The following IKBKB-DT variants were observed in gnomAD, a reference collection of about 807,000 sequenced individuals.
The protein encoded by IKBKB-DT is IKBKB divergent transcript.
chr8:42,263,807 C>A (rs889393274), intron 2 of IKBKB-DT, among the ~76,000 whole-genome samples: 1 of 151,898 alleles, frequency 6.6e-6, no homozygotes, highest in South Asian at 2.1e-4. Flanking sequence ...CAAATGGAGA[C>A]GCGTTTTTTT....
At position 42,266,941 on chromosome 8, in the gene IKBKB-DT, CTCTG is replaced by C. The variant is rs565090617; in HGVS notation, n.604-549_604-546del. ...GGCAACCAGTAGCCCTCGGGGGCTGCTCTGTCTAAGGAGTAGCCGTTCTGTTATT... is the reference window on the plus strand; with the variant it reads ...GGCAACCAGTAGCCCTCGGGGGCTGCTCTAAGGAGTAGCCGTTCTGTTATT... On this transcript the variant is annotated intron_variant and non_coding_transcript_variant, in intron 1 of 3. Transcript: ENST00000518213. Among the ~76,000 whole-genome samples the C allele has an allele frequency of 9.2e-5, 14 of 151,876 alleles. No homozygotes were observed. The South Asian group carries it at 1.7e-3, about 18-fold the overall frequency.
chr8:42,259,801 G>T lies in IKBKB-DT; in HGVS notation n.1529+3528C>A, dbSNP rs563435923. Among the ~76,000 whole-genome samples, 4 of 152,136 alleles carry T rather than the reference G, an allele frequency of 2.6e-5. No homozygotes were observed. The East Asian group carries it at 7.8e-4, about 30-fold the overall frequency. On this transcript the variant is annotated intron_variant and non_coding_transcript_variant, in intron 3 of 3. Transcript: ENST00000518213. The stretch of plus-strand genomic sequence containing the variant: ...GCTCAAGACCAGCCTGAACAACATG[G>T]CAAAACCCTGTCTCTTCGAAAATAC...
intron 3 of IKBKB-DT, among the ~76,000 whole-genome samples, chr8:42,235,850 C>G (rs1290018500): frequency 2.6e-5 from 4 of 152,078 alleles, no homozygotes; most frequent in African/African-American, 9.7e-5. Flanking sequence ...CTCAGCCTGG[C>G]CAACATGGTT....
chr8:42,235,440 A>G lies in IKBKB-DT; in HGVS notation n.1530-1581T>C, dbSNP rs191844121. 2.8e-3 allele frequency among the ~76,000 whole-genome samples: 430 copies of G among 152,076 alleles called. 2 individuals are homozygous for G. The highest frequency in any genetic ancestry group is 9.8e-3 in the African/African-American group (407 of 41,512). The stretch of plus-strand genomic sequence containing the variant: ...AGGTGGTCTCAAACTCCTGGCCTCA[A>G]GTGATCTGCCCACCTTGGTCTCCCA... On this transcript the variant is annotated intron_variant and non_coding_transcript_variant, in intron 3 of 3. Transcript: ENST00000518213.
intron 3 of IKBKB-DT, among the ~76,000 whole-genome samples, chr8:42,238,024 CAAAAAAAA>C (rs35087510): frequency 0.16 from 5,463 of 34,708 alleles, 164 homozygotes; most frequent in South Asian, 0.36. Flanking sequence ...GGCCCTCTCT[CAAAAAAAA>C]AAAAAAAAAA....
intron 3 of IKBKB-DT, among the ~76,000 whole-genome samples, chr8:42,262,825 A>G (rs1023364912): frequency 6.8e-6 from 1 of 146,446 alleles, no homozygotes; most frequent in Non-Finnish European, 1.5e-5. Flanking sequence ...TGCATCCTCA[A>G]TTTTCTGGGC....
chr8:42,238,972 C>G (rs571385142), intron 3 of IKBKB-DT, among the ~76,000 whole-genome samples: 4 of 152,272 alleles, frequency 2.6e-5, no homozygotes, highest in African/African-American at 9.6e-5. Flanking sequence ...TAAACTCTTT[C>G]TCTACTGCAA....
chr8:42,244,620 A>T (rs1347298065), intron 3 of IKBKB-DT, among the ~76,000 whole-genome samples: 2 of 152,104 alleles, frequency 1.3e-5, no homozygotes, highest in African/African-American at 4.8e-5. Context: ...TGCTCACTGC[A>T]GCCTTGACCT....
chr8:42,237,711 G>T (rs1475834994), intron 3 of IKBKB-DT, among the ~76,000 whole-genome samples: 1 of 151,980 alleles, frequency 6.6e-6, no homozygotes, highest in Admixed American at 6.6e-5. Flanking sequence ...TCTTCTGGGG[G>T]TTGCAGAAGA....
In IKBKB-DT at chr8:42,239,632, A is replaced by ATATATATATATATATATATT. The variant is rs1287944961; in HGVS notation, n.1530-5774_1530-5773insAATATATATATATATATATA. On this transcript the variant is annotated intron_variant and non_coding_transcript_variant, in intron 3 of 3. Transcript: ENST00000518213. ...AGGCAATTTATATATATATATATAT[A>ATATATATATATATATATATT]TATTTATTTATTTATTCATTTTTTT... Among the ~76,000 whole-genome samples, 286 of 86,910 alleles carry ATATATATATATATATATATT rather than the reference A, an allele frequency of 3.3e-3. 12 individuals carry two copies. Among genetic ancestry groups the ATATATATATATATATATATT allele is most frequent in the African/African-American group, 0.012 (265 of 22,996 alleles). 57.0% of individuals were successfully genotyped at this position (86,910 alleles called of 152,430 possible).
chr8:42,251,927 C>T (rs1004905990), intron 3 of IKBKB-DT, among the ~76,000 whole-genome samples: 16 of 152,088 alleles, frequency 1.1e-4, no homozygotes, highest in Admixed American at 5.2e-4. Context: ...TTTCTTGCCT[C>T]TTCAGAGGAA....
intron 1 of IKBKB-DT, among the ~76,000 whole-genome samples, chr8:42,267,150 G>T (rs1208200783): frequency 6.6e-6 from 1 of 151,574 alleles, no homozygotes; most frequent in African/African-American, 2.4e-5. Context: ...GACTACAGGC[G>T]CCCGCCACCA....
chr8:42,259,659 A>G (rs1807254934), intron 3 of IKBKB-DT, among the ~76,000 whole-genome samples: 2 of 152,146 alleles, frequency 1.3e-5, no homozygotes, highest in Non-Finnish European at 1.5e-5. Context: ...CCTGCTGCAC[A>G]AATGAAGAGC....
intron 3 of IKBKB-DT, among the ~76,000 whole-genome samples, chr8:42,240,584 C>A (rs553402856): frequency 1.4e-5 from 2 of 139,602 alleles, no homozygotes; most frequent in Non-Finnish European, 3.0e-5. Flanking sequence ...AAGATCATTC[C>A]ACTGCACTCC....
At chr8:42,265,241 C>T (rs1460019901) in intron 2 of IKBKB-DT, among the ~76,000 whole-genome samples, 1 of 152,252 alleles carries the variant, frequency 6.6e-6, no homozygotes, top group South Asian at 2.1e-4. Context: ...AAGTGATCCT[C>T]TTGCTTCAGC....
chr8:42,237,329 C>T lies in IKBKB-DT; in HGVS notation n.1530-3470G>A, dbSNP rs1806938331. Among the ~76,000 whole-genome samples the T allele has an allele frequency of 2.0e-5, 3 of 152,148 alleles. No individual in the cohort carries two copies. The South Asian group carries it at 6.2e-4, about 32-fold the overall frequency. On this transcript the variant is annotated intron_variant and non_coding_transcript_variant, in intron 3 of 3. Coordinates refer to ENST00000518213, the Ensembl canonical transcript of IKBKB-DT. ...CTTGAACTCCTGATCTCAGGTGATC[C>T]TCCTGCCTTGGCCTCCCAAAGTGCT...
At chr8:42,246,145 T>C (rs899607565) in intron 3 of IKBKB-DT, among the ~76,000 whole-genome samples, 22 of 152,144 alleles carry the variant, frequency 1.4e-4, no homozygotes, top group Non-Finnish European at 2.6e-4. Context: ...CAGGCAATCC[T>C]CCCGCCTCAA....
At chr8:42,252,145 G>A (rs1807137646) in intron 3 of IKBKB-DT, among the ~76,000 whole-genome samples, 1 of 152,210 alleles carries the variant, frequency 6.6e-6, no homozygotes, top group Non-Finnish European at 1.5e-5. Context: ...AGGTGACATG[G>A]CACTGGCCAG....
At chr8:42,268,827 A>T (rs1563280297) in intron 1 of IKBKB-DT, among the ~76,000 whole-genome samples, 1 of 152,152 alleles carries the variant, frequency 6.6e-6, no homozygotes, top group Non-Finnish European at 1.5e-5. Context: ...TTGGCCTCCC[A>T]AAGTGCTGGG....
Sources: allele counts gnomAD v4.1 joint callset (sites outside exome capture counted in the v4.1 genomes callset), GRCh38; gene constraint gnomAD v4.1.1; transcripts MANE v1.5; gene names NCBI Gene and HGNC (gene_info 2026-07-23, HGNC 2026-07-21).